The following RPP30 variants were observed in gnomAD, a reference collection of about 807,000 sequenced individuals.
The protein encoded by RPP30 is ribonuclease P/MRP subunit p30, also known as ribonuclease P protein subunit p30.
A neutral mutation model predicts 38.6 loss-of-function variants in RPP30; 36 were observed. The observed-to-expected ratio is 0.93, with a 90% confidence interval of 0.71 to 1.23. RPP30 has a LOEUF of 1.23. Among genes scored for constraint, RPP30 ranks in the 50% most tolerant of loss-of-function variants. The probability of loss-of-function intolerance (pLI) is 0.00; values close to 1 mark genes in which losing one functional copy is unlikely to be tolerated. For missense variants in RPP30, 321 were observed against 321.7 expected, an observed-to-expected ratio of 1.00 and a Z score of 0.02; for synonymous variants, 126 against 112.7, an observed-to-expected ratio of 1.12 and a Z score of -0.75.
At chr10:90,898,535 A>G (rs755522201) in intron 10 of RPP30, among the ~76,000 whole-genome samples, 5 of 152,190 alleles carry the variant, frequency 3.3e-5, no homozygotes, top group Non-Finnish European at 7.3e-5. Flanking sequence ...CTCAGCCGGC[A>G]TCTGTATCAT....
rs778114019 is a variant in RPP30, at chr10:90,871,991, C to T, written c.5C>T (p.Ala2Val). 5.0e-6 allele frequency: 8 copies of T among 1,613,742 alleles called. No homozygotes were observed. The highest frequency in any genetic ancestry group is 2.7e-5 in the African/African-American group (2 of 74,924). ...GGACGGTCATGGGACTTCAGCATGG[C>T]GGTGTTTGCAGATTTGGACCTGCGA... M[A>V]VFADLDLRAG... The change falls in exon 1 of 11, where the codon GCG becomes GTG. Residue 2 changes from alanine to valine, a missense_variant. Ala to Val is a moderately conservative substitution (Grantham distance 64). Transcript: ENST00000371703.
At chr10:90,903,520 G>A (rs1288066018), downstream of RPP30, among the ~76,000 whole-genome samples, 2 of 152,170 alleles carry the variant, frequency 1.3e-5, no homozygotes, top group South Asian at 2.1e-4. Context: ...TTCAGCTTAC[G>A]TCCATTTACT....
chr10:90,908,192 A>G (rs1298134633), downstream of RPP30: 1 of 152,190 alleles, frequency 6.6e-6, no homozygotes, highest in African/African-American at 2.4e-5. Context: ...CCACCTTTGT[A>G]TATGTGGTTC....
At position 90,888,536 on chromosome 10, in the gene RPP30, A is replaced by G. The variant is rs927247767; in HGVS notation, c.432+2635A>G. Among the ~76,000 whole-genome samples, 3 of 152,186 alleles carry G rather than the reference A, an allele frequency of 2.0e-5. No homozygotes were observed. In the East Asian group the frequency reaches 5.8e-4, roughly 29 times the overall value. ...CTTACAGTTTGTTGAGTCAATAAGT[A>G]CATGTTGAACTTAGCATATCAGGGT... On this transcript the variant is annotated intron_variant, in intron 6 of 10. Coordinates refer to ENST00000371703, the MANE Select transcript of RPP30 (RefSeq NM_006413.5).
chr10:90,884,221 A>G (rs1376257454), intron 5 of RPP30, among the ~76,000 whole-genome samples: 1 of 152,192 alleles, frequency 6.6e-6, no homozygotes, highest in Non-Finnish European at 1.5e-5. Context: ...ATATATTTTT[A>G]GAGTCTCTGC....
At position 90,892,986 on chromosome 10, in the gene RPP30, G is replaced by A. The variant is rs541018523; in HGVS notation, c.433-1789G>A. 5.3e-5 allele frequency among the ~76,000 whole-genome samples: 8 copies of A among 152,268 alleles called. No homozygotes were observed. The East Asian group carries it at 7.7e-4, about 15-fold the overall frequency. On this transcript the variant is annotated intron_variant, in intron 6 of 10. Transcript: ENST00000371703. ...GCTTGGCAGAGCCAATGAGATACAC[G>A]TTCAACTAGGACAGAAATACTATCT...
chr10:90,881,893 T>G (rs1846932631), intron 5 of RPP30, among the ~76,000 whole-genome samples: 13 of 152,306 alleles, frequency 8.5e-5, no homozygotes, highest in African/African-American at 3.1e-4. Context: ...GACACATGTT[T>G]ATGTCAATAG....
intron 1 of RPP30, 34 bp from the exon 2 acceptor site, chr10:90,874,835 T>G: frequency 6.7e-7 from 1 of 1,485,580 alleles, no homozygotes; most frequent in Non-Finnish European, 9.3e-7. Context: ...GAGGTTGTTA[T>G]ATTTAACAAA....
chr10:90,886,026 GA>G, intron 6 of RPP30, 125 bp downstream of exon 6: 1 of 581,944 alleles, frequency 1.7e-6, no homozygotes, highest in South Asian at 2.7e-5. Flanking sequence ...GGCAGTTTTA[GA>G]AAAGAGAATT....
intron 10 of RPP30, among the ~76,000 whole-genome samples, chr10:90,898,724 G>GCTTTCAA (rs1847170756): frequency 1.3e-5 from 2 of 152,202 alleles, no homozygotes; most frequent in African/African-American, 2.4e-5. Flanking sequence ...AACTTGGAAG[G>GCTTTCAA]CTTGCCACAG....
At chr10:90,898,673 C>G (rs951638775) in intron 10 of RPP30, among the ~76,000 whole-genome samples, 1 of 152,132 alleles carries the variant, frequency 6.6e-6, no homozygotes, top group Non-Finnish European at 1.5e-5. Flanking sequence ...ACATGGATAC[C>G]TGGCAAGCAG....
chr10:90,885,710 C>A, intron 5 of RPP30, 102 bp from the exon 6 acceptor site: 1 of 716,004 alleles, frequency 1.4e-6, no homozygotes, highest in East Asian at 2.7e-5. Flanking sequence ...CATCAAAACA[C>A]CTATGGAGTG....
At position 90,900,523 on chromosome 10, in the gene RPP30, AT is replaced by A. The variant is rs771032902; in HGVS notation, c.698-45del. ...AATATGTTAAACCACCTCATTTTAA[AT>A]TATGTCTTAACTTCAAGCACAGTGG... On this transcript the variant is annotated intron_variant, in intron 10 of 10. Transcript: ENST00000371703. 8.3e-6 allele frequency: 13 copies of A among 1,568,104 alleles called. No individual in the cohort carries two copies. The African/African-American group carries it at 1.8e-4, about 21-fold the overall frequency.
chr10:90,906,936 G>A (rs1052898107), downstream of RPP30, among the ~76,000 whole-genome samples: 2 of 152,114 alleles, frequency 1.3e-5, no homozygotes, highest in South Asian at 4.1e-4. Context: ...TTGACTATGT[G>A]ATTAAAAACT....
intron 10 of RPP30, among the ~76,000 whole-genome samples, chr10:90,899,624 T>C (rs968846117): frequency 2.4e-4 from 37 of 152,324 alleles, no homozygotes; most frequent in African/African-American, 8.7e-4. Context: ...ACATCAGCCA[T>C]ATTGTCCCCT....
At chr10:90,895,193 T>TG (rs1237521299) in intron 7 of RPP30, 4 of 502,958 alleles carry the variant, frequency 8.0e-6, no homozygotes, top group Non-Finnish European at 1.4e-5. Context: ...TTAAGATATG[T>TG]GACCTTTTCA....
intron 6 of RPP30, among the ~76,000 whole-genome samples, chr10:90,886,443 G>A (rs1229710804): frequency 6.6e-6 from 1 of 152,126 alleles, no homozygotes; most frequent in Non-Finnish European, 1.5e-5. Context: ...TTCTCCCTCT[G>A]CTATAGAATT....
In RPP30 at chr10:90,900,553, C is replaced by A; in HGVS notation, c.698-17C>A. 1.2e-6 allele frequency: 2 copies of A among 1,605,164 alleles called. No homozygotes were observed. Among genetic ancestry groups the A allele is most frequent in the Non-Finnish European group, 1.7e-6 (2 of 1,176,204 alleles). On this transcript the variant is annotated splice_polypyrimidine_tract_variant and intron_variant, in intron 10 of 10. Coordinates refer to ENST00000371703, the MANE Select transcript of RPP30 (RefSeq NM_006413.5). ...GTCTTAACTTCAAGCACAGTGGTTT[C>A]CCTGTTTGTTTTACAGAAACTAGAA... is the stretch of plus-strand genomic sequence containing the variant.
chr10:90,896,430 T>A (rs754345061), intron 10 of RPP30, 38 bp downstream of exon 10: 1 of 1,548,344 alleles, frequency 6.5e-7, no homozygotes, highest in Non-Finnish European at 8.9e-7. Context: ...AATGGTCATG[T>A]TAAAAGCAAG....
Sources: gnomAD v4.1 joint callset for allele counts (sites outside exome capture counted in the v4.1 genomes callset) on GRCh38, gnomAD v4.1.1 for gene constraint, MANE v1.5 for transcripts, NCBI Gene and HGNC (gene_info 2026-07-23, HGNC 2026-07-21) for gene names.